RHBDL2: variants seen among roughly 807,000 people sequenced by gnomAD.
RHBDL2 encodes rhomboid like 2.
Under a neutral mutation model 31.7 loss-of-function variants are expected in RHBDL2, and 26 were observed. The ratio of observed to expected loss-of-function variants is 0.82; its 90% CI spans 0.60 to 1.14. The LOEUF is 1.14. Among genes scored for constraint, RHBDL2 ranks in the 50% most tolerant of loss-of-function variants. The probability of loss-of-function intolerance (pLI) is 0.00; values close to 1 mark genes in which losing one functional copy is unlikely to be tolerated. For missense variants in RHBDL2, 336 were observed against 364.4 expected (o/e 0.92, Z 0.63); for synonymous variants, 123 against 127.2 (o/e 0.97, Z 0.22).
chr1:38,934,461 C>T (rs1284752203), intron 1 of RHBDL2, among the ~76,000 whole-genome samples: 1 of 151,558 alleles, frequency 6.6e-6, no homozygotes, highest in Admixed American at 6.6e-5. Flanking sequence ...TCGAGACCAG[C>T]CTGGCCAACA....
chr1:38,892,520 A>C (rs1642867106), intron 6 of RHBDL2, among the ~76,000 whole-genome samples: 1 of 152,176 alleles, frequency 6.6e-6, no homozygotes, highest in African/African-American at 2.4e-5. Flanking sequence ...AGAGCCTGTA[A>C]AACTCCTTCG....
At chr1:38,918,868 C>G (rs759118749) in intron 2 of RHBDL2, 99 bp downstream of exon 2, 2 of 1,445,918 alleles carry the variant, frequency 1.4e-6, no homozygotes, top group African/African-American at 2.8e-5. Flanking sequence ...AGCTCTCTCC[C>G]ATGTTCCCAG....
chr1:38,888,310 C>T (rs1024202731), intron 6 of RHBDL2, among the ~76,000 whole-genome samples: 3 of 151,510 alleles, frequency 2.0e-5, no homozygotes, highest in Admixed American at 2.0e-4. Flanking sequence ...ATGGACAGAT[C>T]TAACAGCCCT....
intron 1 of RHBDL2, among the ~76,000 whole-genome samples, chr1:38,934,957 C>CAA (rs34194396): frequency 0.4 from 59,417 of 148,332 alleles, 14,471 homozygotes; most frequent in Non-Finnish European, 0.56. Flanking sequence ...GGCTCAGTCG[C>CAA]AAAAAAAAAA....
At chr1:38,912,908 A>G (rs200319010) in intron 3 of RHBDL2, among the ~76,000 whole-genome samples, 5,553 of 34,088 alleles carry the variant, frequency 0.16, 141 homozygotes, top group Admixed American at 0.23. Flanking sequence ...ATATATATAT[A>G]TATGTGTGTG....
intron 4 of RHBDL2, among the ~76,000 whole-genome samples, chr1:38,897,171 G>C (rs1642929020): frequency 6.6e-6 from 1 of 151,416 alleles, no homozygotes; most frequent in Non-Finnish European, 1.5e-5. Flanking sequence ...CGTGATCTCA[G>C]CTCACTGCAA....
chr1:38,929,408 C>T lies in RHBDL2; in HGVS notation c.-125-10071G>A, dbSNP rs1194383644. 11 of 1,289,346 alleles carry T rather than the reference C, an allele frequency of 8.5e-6. No individual in the cohort carries two copies. In the South Asian group the frequency reaches 9.9e-5, roughly 12 times the overall value. The allele number at this position is 1,289,346 out of a possible 1,614,324, so 79.9% of individuals were successfully genotyped here. On this transcript the variant is annotated intron_variant, in intron 1 of 7. Coordinates refer to ENST00000372990, the MANE Select transcript of RHBDL2 (RefSeq NM_017821.5). Reference sequence around the variant, plus strand: ...AATCAGGCTCACCTTCCCTTCTTCGCCTCACCCAGGAAGGCCCTGGCAAGG... The same window carrying T: ...AATCAGGCTCACCTTCCCTTCTTCGTCTCACCCAGGAAGGCCCTGGCAAGG...
At chr1:38,938,320 C>A (rs1021997993) in intron 1 of RHBDL2, among the ~76,000 whole-genome samples, 1 of 152,136 alleles carries the variant, frequency 6.6e-6, no homozygotes, top group Non-Finnish European at 1.5e-5. Flanking sequence ...CAGCCAAAAT[C>A]TTTTCAATGG....
At chr1:38,927,572 C>T (rs933726779) in intron 1 of RHBDL2, among the ~76,000 whole-genome samples, 4 of 148,492 alleles carry the variant, frequency 2.7e-5, no homozygotes, top group African/African-American at 9.7e-5. Flanking sequence ...TTGCCATCTG[C>T]CTTTGAAGAA....
At chr1:38,919,820 C>T (rs1464732658) in intron 1 of RHBDL2, among the ~76,000 whole-genome samples, 3 of 151,992 alleles carry the variant, frequency 2.0e-5, no homozygotes, top group African/African-American at 4.8e-5. Flanking sequence ...GTGATTCACC[C>T]GCCTAGGCCT....
chr1:38,902,643 A>T (rs894049656), intron 4 of RHBDL2, among the ~76,000 whole-genome samples: 2 of 151,962 alleles, frequency 1.3e-5, no homozygotes, highest in African/African-American at 4.8e-5. Context: ...GCTGGTCTCG[A>T]ACTCCTGACC....
intron 5 of RHBDL2, among the ~76,000 whole-genome samples, chr1:38,894,707 C>CTTTTTTTTTT (rs71057159): frequency 1.1e-3 from 128 of 114,138 alleles, no homozygotes; most frequent in African/African-American, 2.6e-3. Flanking sequence ...CTTTTTTTTT[C>CTTTTTTTTTT]TTTTTTTTTT....
intron 1 of RHBDL2, among the ~76,000 whole-genome samples, chr1:38,927,221 A>T (rs1643387905): frequency 6.6e-6 from 1 of 152,066 alleles, no homozygotes; most frequent in African/African-American, 2.4e-5. Flanking sequence ...AGGTCAGGAG[A>T]TCGAGACCAT....
At chr1:38,899,299 C>G (rs932517725) in intron 4 of RHBDL2, among the ~76,000 whole-genome samples, 2 of 152,280 alleles carry the variant, frequency 1.3e-5, no homozygotes, top group African/African-American at 4.8e-5. Context: ...CAGAGGGGGG[C>G]CAGGCAATCA....
At chr1:38,932,486 G>A (rs907383505) in intron 1 of RHBDL2, among the ~76,000 whole-genome samples, 3 of 152,118 alleles carry the variant, frequency 2.0e-5, no homozygotes, top group Non-Finnish European at 4.4e-5. Context: ...TTGAGACAAG[G>A]TCTGACTCTG....
intron 6 of RHBDL2, among the ~76,000 whole-genome samples, chr1:38,892,658 G>GA (rs1642869088): frequency 6.6e-6 from 1 of 152,176 alleles, no homozygotes; most frequent in South Asian, 2.1e-4. Flanking sequence ...ATCACATGGT[G>GA]AAAATATTAT....
intron 4 of RHBDL2, among the ~76,000 whole-genome samples, chr1:38,909,337 G>A (rs1031317714): frequency 6.6e-6 from 1 of 152,088 alleles, no homozygotes; most frequent in Non-Finnish European, 1.5e-5. Flanking sequence ...CGTATCACGA[G>A]CACAGGTAAA....
intron 1 of RHBDL2, among the ~76,000 whole-genome samples, chr1:38,928,794 C>T (rs1347344622): frequency 6.6e-6 from 1 of 152,120 alleles, no homozygotes; most frequent in Non-Finnish European, 1.5e-5. Flanking sequence ...GGCATGGTGG[C>T]TCATGCCTGT....
intron 4 of RHBDL2, among the ~76,000 whole-genome samples, chr1:38,903,478 C>T (rs1439080454): frequency 3.3e-5 from 5 of 152,070 alleles, no homozygotes; most frequent in African/African-American, 9.7e-5. Context: ...CTTTCTAATA[C>T]ATCAAAAATA....
Sources: gnomAD v4.1 joint callset for allele counts (sites outside exome capture counted in the v4.1 genomes callset) on GRCh38, gnomAD v4.1.1 for gene constraint, MANE v1.5 for transcripts, NCBI Gene and HGNC (gene_info 2026-07-23, HGNC 2026-07-21) for gene names.